The following PLIN3 variants were observed in gnomAD, a reference collection of about 807,000 sequenced individuals.
The protein encoded by PLIN3 is perilipin 3, also known as perilipin-3.
In PLIN3, 30 loss-of-function variants were observed where a neutral mutation model predicts 35.9. That is an observed-to-expected ratio of 0.84 (90% CI 0.62 to 1.13). The LOEUF is 1.13. PLIN3 is among the 50% of genes most tolerant of loss of function. The pLI is 0.00. For missense variants in PLIN3, 603 were observed against 596.9 expected (o/e 1.01, Z -0.11); for synonymous variants, 261 against 262.5 (o/e 0.99, Z 0.06).
At chr19:4,861,964 G>C (rs2030691939) in intron 1 of PLIN3, among the ~76,000 whole-genome samples, 1 of 149,606 alleles carries the variant, frequency 6.7e-6, no homozygotes, top group African/African-American at 2.5e-5. Context: ...TTAAAGACAG[G>C]GTCTTGCTCT....
At position 4,861,208 on chromosome 19, in the gene PLIN3, C is replaced by T. The variant is rs1016039364; in HGVS notation, c.66+121G>A. On this transcript the variant is annotated intron_variant, in intron 2 of 7. Coordinates refer to ENST00000221957, the MANE Select transcript of PLIN3 (RefSeq NM_005817.5). Reference sequence around the variant, plus strand: ...TCCATACCCCACTGAGGAATAAATCCCTCTGGCTCCGTGAGCTGCCGGCAG... The same window carrying T: ...TCCATACCCCACTGAGGAATAAATCTCTCTGGCTCCGTGAGCTGCCGGCAG... 44 of 809,200 alleles carry T rather than the reference C, an allele frequency of 5.4e-5. No homozygotes were observed. The Admixed American group carries it at 5.4e-4, about 10-fold the overall frequency. The allele number at this position is 809,200 out of a possible 1,614,324, so 50.1% of individuals were successfully genotyped here.
chr19:4,859,791 G>C lies in PLIN3; in HGVS notation c.265+35C>G, dbSNP rs769954922. 7 of 1,609,774 alleles carry C rather than the reference G, an allele frequency of 4.3e-6. No homozygotes were observed. In the East Asian group the frequency reaches 8.9e-5, roughly 21 times the overall value. On this transcript the variant is annotated intron_variant, in intron 3 of 7. Coordinates refer to ENST00000221957, the MANE Select transcript of PLIN3 (RefSeq NM_005817.5). ...ACTCCCCACCCAGGGAAATGACCAGGAGGGGAATTCAGTGCCCCCTGGGAC... is the reference window on the plus strand; with the variant it reads ...ACTCCCCACCCAGGGAAATGACCAGCAGGGGAATTCAGTGCCCCCTGGGAC...
intron 1 of PLIN3, among the ~76,000 whole-genome samples, chr19:4,864,740 G>A (rs961119972): frequency 1.4e-4 from 22 of 152,246 alleles, no homozygotes; most frequent in East Asian, 3.9e-4. Context: ...GCGGGATGAA[G>A]CCACAACTCC....
intron 2 of PLIN3, among the ~76,000 whole-genome samples, chr19:4,860,869 G>A (rs141909211): frequency 0.011 from 1,654 of 152,218 alleles, 34 homozygotes; most frequent in African/African-American, 0.038. Context: ...TACTTGGGAG[G>A]CTGAGGCAGG....
At chr19:4,865,265 G>A (rs183140299) in intron 1 of PLIN3, among the ~76,000 whole-genome samples, 4 of 151,984 alleles carry the variant, frequency 2.6e-5, no homozygotes, top group Non-Finnish European at 4.4e-5. Context: ...GAGGCGGGCA[G>A]ATCACCTAAG....
At position 4,859,643 on chromosome 19, in the gene PLIN3, C is replaced by T. The variant is rs1453827799; in HGVS notation, c.295G>A (p.Gly99Arg). Residue 99 changes from glycine (G) to arginine (R), a missense_variant, in exon 4 of 8, where the codon GGG (glycine) becomes AGG (arginine). By Grantham distance (125) the Gly-to-Arg change is moderately radical. Coordinates refer to ENST00000221957, the MANE Select transcript of PLIN3 (RefSeq NM_005817.5). The part of the protein sequence containing the change: ...IASASEYAHR[G>R]LDKLEENLPI... ...AGGTTCTCCTCCAACTTGTCCAGCC[C>T]CCTGTGGGCGTATTCGCTGGCTGAT... The T allele has an allele frequency of 1.2e-6, 2 of 1,614,160 alleles. No homozygotes were observed. The highest frequency in any genetic ancestry group is 3.3e-5 in the Admixed American group (2 of 60,000).
Position 4,840,746 on chromosome 19 carries a change from T to C in PLIN3, c.961-1210A>G, listed in dbSNP as rs529880374. On this transcript the variant is annotated intron_variant, in intron 7 of 7. Transcript: ENST00000221957. Reference sequence around the variant, plus strand: ...GTGCGTGGATCACCGAGGTCAGGAGTTCAGCCTGACCAACATGGCGAAACC... The same window carrying C: ...GTGCGTGGATCACCGAGGTCAGGAGCTCAGCCTGACCAACATGGCGAAACC... Among the ~76,000 whole-genome samples the C allele has an allele frequency of 2.0e-3, 307 of 151,930 alleles. 4 individuals carry two copies. The highest frequency in any genetic ancestry group is 7.1e-3 in the African/African-American group (293 of 41,496).
chr19:4,844,723 A>G lies in PLIN3; in HGVS notation c.905T>C (p.Leu302Pro). Residue 302 changes from leucine (L) to proline (P), a missense_variant, in exon 7 of 8, where the codon CTC becomes CCC. By Grantham distance (98) the Leu-to-Pro change is moderately conservative (BLOSUM62 -3). Transcript: ENST00000221957. ...CTGGAGCTGCTTCTGGTTCCAGCTG[A>G]GCCACATCTGGTGCAGCTTCTCCTG... ...EGQEKLHQMW[L>P]SWNQKQLQGP... is the part of the protein sequence containing the mutation. The G allele has an allele frequency of 6.2e-7, 1 of 1,607,712 alleles. No individual in the cohort carries two copies. The highest frequency in any genetic ancestry group is 8.5e-7 in the Non-Finnish European group (1 of 1,177,334).
Position 4,852,133 on chromosome 19 carries a change from C to G in PLIN3, c.517G>C (p.Val173Leu), listed in dbSNP as rs541039172. 1.0e-4 allele frequency: 168 copies of G among 1,614,036 alleles called. No homozygotes were observed. Among genetic ancestry groups the G allele is most frequent in the Non-Finnish European group, 1.4e-4 (163 of 1,179,950 alleles). Residue 173 changes from valine (V) to leucine (L), a missense_variant, in exon 5 of 8, where the codon GTC (valine) becomes CTC (leucine). Val to Leu is a conservative substitution (Grantham distance 32). Coordinates refer to ENST00000221957, the MANE Select transcript of PLIN3 (RefSeq NM_005817.5). ...AAGCGGGAGCCCATGACCGATTGGA[C>G]GCCGCCGGTCACTACGGACTTTGTC... is the stretch of plus-strand genomic sequence containing the variant. ...DKTKSVVTGG[V>L]QSVMGSRLGQ...
chr19:4,842,459 G>T (rs2146195867), intron 7 of PLIN3, among the ~76,000 whole-genome samples: 1 of 151,720 alleles, frequency 6.6e-6, no homozygotes, highest in East Asian at 1.9e-4. Context: ...AATTAGCTGG[G>T]CGTGGTGGCA....
At chr19:4,858,778 T>G (rs1599172621) in intron 4 of PLIN3, among the ~76,000 whole-genome samples, 1 of 144,864 alleles carries the variant, frequency 6.9e-6, no homozygotes, top group African/African-American at 2.5e-5. Flanking sequence ...CTCGGATCAC[T>G]GCAACCTCCG....
Position 4,838,832 on chromosome 19 carries a change from C to G in PLIN3, c.*360G>C, listed in dbSNP as rs2146191744. 1.3e-5 allele frequency: 2 copies of G among 159,360 alleles called. No individual in the cohort carries two copies. Among genetic ancestry groups the G allele is most frequent in the South Asian group, 4.0e-4 (2 of 5,038 alleles). 9.9% of individuals were successfully genotyped at this position (159,360 alleles called of 1,614,324 possible). On this transcript the variant is annotated 3_prime_UTR_variant, in exon 8 of 8. Transcript: ENST00000221957. The stretch of plus-strand genomic sequence containing the variant: ...CTGACCTCAGGTGTTCCGCCCGCCT[C>G]AGCCTCCCAAAGTGCTGGGATTACA...
Position 4,861,413 on chromosome 19 carries a change from T to C in PLIN3, c.-17-2A>G. 1 of 1,608,354 alleles carries C rather than the reference T, an allele frequency of 6.2e-7. No homozygotes were observed. The highest frequency in any genetic ancestry group is 8.5e-7 in the Non-Finnish European group (1 of 1,177,956). On this transcript the variant is annotated splice_acceptor_variant, in intron 1 of 7. Transcript: ENST00000221957. LOFTEE classifies it low-confidence loss of function (5UTR_SPLICE). The stretch of plus-strand genomic sequence containing the variant: ...CAGACATGGTCTCTGCAGCAGACGC[T>C]GAGGAGAGAGGAACAGTCAGGTACA...
chr19:4,854,240 A>C (rs1304955327), intron 4 of PLIN3, among the ~76,000 whole-genome samples: 1 of 152,016 alleles, frequency 6.6e-6, no homozygotes, highest in South Asian at 2.1e-4. Context: ...GCTGAAGCTA[A>C]GTCTTTAGAC....
At chr19:4,864,652 GC>G (rs1457844298) in intron 1 of PLIN3, among the ~76,000 whole-genome samples, 1 of 151,960 alleles carries the variant, frequency 6.6e-6, no homozygotes, top group Non-Finnish European at 1.5e-5. Context: ...GAGATAACAT[GC>G]CTGCCTGCAC....
At chr19:4,865,535 T>C (rs2030818498) in intron 1 of PLIN3, among the ~76,000 whole-genome samples, 1 of 151,554 alleles carries the variant, frequency 6.6e-6, no homozygotes, top group African/African-American at 2.4e-5. Flanking sequence ...TCTTATGGGC[T>C]GCTTTCCTGG....
chr19:4,852,627 T>TAC (rs1373076566), intron 4 of PLIN3, among the ~76,000 whole-genome samples: 2 of 152,006 alleles, frequency 1.3e-5, no homozygotes, highest in Admixed American at 1.3e-4. Context: ...TACCTCCCTG[T>TAC]ACCTCATTTC....
In PLIN3 at chr19:4,864,157, G is replaced by GT. The variant is rs534017690; in HGVS notation, c.-17-2747dup. 8.1e-3 allele frequency among the ~76,000 whole-genome samples: 973 copies of GT among 119,912 alleles called. 9 individuals are homozygous for GT. The highest frequency in any genetic ancestry group is 0.013 in the Non-Finnish European group (721 of 57,506). The allele number at this position is 119,912 out of a possible 152,430, so 78.7% of individuals were successfully genotyped here. Reference sequence around the variant, plus strand: ...TGTGTGTGTGTGTGTGTGTGGTTTTGTTTTTTTTTTTTGGACAGGGAGTCT... The same window carrying GT: ...TGTGTGTGTGTGTGTGTGTGGTTTTGTTTTTTTTTTTTTGGACAGGGAGTCT... On this transcript the variant is annotated intron_variant, in intron 1 of 7. Transcript: ENST00000221957.
At position 4,847,763 on chromosome 19, in the gene PLIN3, C is replaced by A. The variant is rs140100737; in HGVS notation, c.762G>T (p.Ser254=). ...ERLRQHAYEH[S]LGKLRATKQR... is the part of the protein sequence containing the mutation. ...GCTTGGTGGCTCGAAGCTTGCCCAG[C>A]GAGTGCTCATAGGCGTGCTGCCGCA... Residue 254 remains serine, a synonymous_variant, in exon 6 of 8, where the codon TCG becomes TCT. Coordinates refer to ENST00000221957, the MANE Select transcript of PLIN3 (RefSeq NM_005817.5). The A allele has an allele frequency of 1.1e-4, 182 of 1,613,140 alleles. 1 individual carries two copies. Among genetic ancestry groups the A allele is most frequent in the African/African-American group, 7.3e-4 (55 of 75,006 alleles).
Sources: allele counts gnomAD v4.1 joint callset (sites outside exome capture counted in the v4.1 genomes callset), GRCh38; gene constraint gnomAD v4.1.1; transcripts MANE v1.5; gene names NCBI Gene and HGNC (gene_info 2026-07-23, HGNC 2026-07-21).